Variants in COL21A1 observed in about 807,000 individuals in gnomAD.
COL21A1 encodes the protein collagen alpha-1(XXI) chain.
A neutral mutation model predicts 137.9 loss-of-function variants in COL21A1; 149 were observed. The observed-to-expected ratio is 1.08, with a 90% CI of 0.95 to 1.24. The LOEUF is 1.24. COL21A1 is among the 50% of genes most tolerant of loss of function. COL21A1 has a pLI of 0.00. For missense variants in COL21A1, 1,167 were observed against 1,158.4 expected (o/e 1.01, Z -0.11); for synonymous variants, 456 against 391.5 (o/e 1.16, Z -1.95).
intron 12 of COL21A1, among the ~76,000 whole-genome samples, chr6:56,133,770 C>G (rs1030988266): frequency 2.0e-5 from 3 of 152,188 alleles, no homozygotes; most frequent in Admixed American, 2.0e-4. Context: ...TAAAAGGGAC[C>G]AAGGTACAGC....
At chr6:56,279,546 C>A (rs1012273417) in intron 1 of COL21A1, among the ~76,000 whole-genome samples, 1 of 152,112 alleles carries the variant, frequency 6.6e-6, no homozygotes, top group African/African-American at 2.4e-5. Flanking sequence ...CTCATGAGGC[C>A]CATTCCATTC....
intron 17 of COL21A1, among the ~76,000 whole-genome samples, chr6:56,082,455 C>T (rs560892422): frequency 6.6e-6 from 1 of 151,960 alleles, no homozygotes; most frequent in East Asian, 1.9e-4. Flanking sequence ...CCTCTGAAAG[C>T]CTGAAAAGTA....
intron 14 of COL21A1, among the ~76,000 whole-genome samples, chr6:56,125,033 T>C (rs868126877): frequency 0.014 from 1,842 of 133,604 alleles, 29 homozygotes; most frequent in African/African-American, 0.051. Flanking sequence ...TTTTTTTTTT[T>C]TTTTTGAGAC....
intron 10 of COL21A1, among the ~76,000 whole-genome samples, chr6:56,150,883 C>A (rs1315161272): frequency 6.6e-6 from 1 of 152,188 alleles, no homozygotes; most frequent in African/African-American, 2.4e-5. Context: ...CCAGATCTCT[C>A]TAATGATCAG....
intron 1 of COL21A1, among the ~76,000 whole-genome samples, chr6:56,286,804 C>T (rs1240769686): frequency 6.6e-6 from 1 of 152,056 alleles, no homozygotes; most frequent in Non-Finnish European, 1.5e-5. Flanking sequence ...AAGTGATATA[C>T]AAGTATGAGA....
intron 1 of COL21A1, among the ~76,000 whole-genome samples, chr6:56,318,284 T>C (rs572438343): frequency 6.6e-6 from 1 of 152,144 alleles, no homozygotes; most frequent in Non-Finnish European, 1.5e-5. Flanking sequence ...CTCCTATCCC[T>C]GTACCTGTGA....
chr6:56,108,433 T>TA (rs1208397442), intron 16 of COL21A1, among the ~76,000 whole-genome samples: 1 of 151,544 alleles, frequency 6.6e-6, no homozygotes. Context: ...AGCAAGCAAA[T>TA]AAAAATAAAA....
chr6:56,302,965 A>C (rs1433082924), intron 1 of COL21A1, among the ~76,000 whole-genome samples: 2 of 152,046 alleles, frequency 1.3e-5, no homozygotes, highest in African/African-American at 4.8e-5. Flanking sequence ...CAGTTTTCCC[A>C]GCACCATTTA....
At chr6:56,377,605 G>A (rs2094001645) in intron 1 of COL21A1, among the ~76,000 whole-genome samples, 2 of 152,122 alleles carry the variant, frequency 1.3e-5, no homozygotes, top group African/African-American at 4.8e-5. Context: ...CGCCACAGCA[G>A]GCTAAAGCAC....
At chr6:56,276,035 G>A (rs558924423) in intron 1 of COL21A1, among the ~76,000 whole-genome samples, 37 of 152,272 alleles carry the variant, frequency 2.4e-4, no homozygotes, top group Middle Eastern at 3.4e-3. Context: ...AGAATCCTAT[G>A]CAGCCATAAA....
chr6:56,091,411 T>G (rs535872704), intron 17 of COL21A1: 1 of 152,624 alleles, frequency 6.6e-6, no homozygotes, highest in Non-Finnish European at 1.5e-5. Context: ...GTGATCCCCA[T>G]GTCTTTATTC....
chr6:56,361,751 C>A (rs989662677), intron 1 of COL21A1, among the ~76,000 whole-genome samples: 1 of 151,646 alleles, frequency 6.6e-6, no homozygotes, highest in Non-Finnish European at 1.5e-5. Flanking sequence ...GTGATGGCTG[C>A]GTATGTGCGT....
At chr6:56,389,258 AG>A (rs2094024476) in intron 1 of COL21A1, among the ~76,000 whole-genome samples, 1 of 152,120 alleles carries the variant, frequency 6.6e-6, no homozygotes, top group South Asian at 2.1e-4. Context: ...GCTACTTGGG[AG>A]GCTGAGACAG....
intron 1 of COL21A1, among the ~76,000 whole-genome samples, chr6:56,367,989 C>T (rs767730326): frequency 3.2e-4 from 49 of 152,190 alleles, no homozygotes; most frequent in Non-Finnish European, 5.1e-4. Flanking sequence ...GCTGGAGTAA[C>T]AGGAATGAGC....
At chr6:56,202,391 C>T (rs1779469640) in intron 1 of COL21A1, among the ~76,000 whole-genome samples, 1 of 152,158 alleles carries the variant, frequency 6.6e-6, no homozygotes, top group Admixed American at 6.5e-5. Context: ...CTTATCTCCC[C>T]TAAATTTAAT....
intron 12 of COL21A1, among the ~76,000 whole-genome samples, chr6:56,134,323 T>C (rs1348754224): frequency 6.6e-6 from 1 of 152,188 alleles, no homozygotes; most frequent in Admixed American, 6.5e-5. Flanking sequence ...GCATAGGGCC[T>C]TTACCCCCTT....
At chr6:56,347,715 G>A (rs1765626787) in intron 1 of COL21A1, among the ~76,000 whole-genome samples, 1 of 151,968 alleles carries the variant, frequency 6.6e-6, no homozygotes, top group Non-Finnish European at 1.5e-5. Flanking sequence ...CTCTTGATGA[G>A]TAAAGGGAAG....
At chr6:56,298,863 G>A (rs1204210747) in intron 1 of COL21A1, among the ~76,000 whole-genome samples, 3 of 152,024 alleles carry the variant, frequency 2.0e-5, no homozygotes, top group Non-Finnish European at 4.4e-5. Flanking sequence ...GTTACTACCT[G>A]CTATTACAAA....
chr6:56,129,552 CTA>C (rs1228437052), intron 12 of COL21A1, among the ~76,000 whole-genome samples: 2 of 152,112 alleles, frequency 1.3e-5, no homozygotes, highest in African/African-American at 4.8e-5. Context: ...CAAAGAATAA[CTA>C]TGTTTCCAGT....
Sources: allele counts gnomAD v4.1 joint callset (sites outside exome capture counted in the v4.1 genomes callset), GRCh38; gene constraint gnomAD v4.1.1; transcripts MANE v1.5; gene names NCBI Gene and HGNC (gene_info 2026-07-23, HGNC 2026-07-21).